Variants in RAB3A observed in about 807,000 individuals in gnomAD.
RAB3A encodes RAB3A, member RAS oncogene family, also known as ras-related protein Rab-3A.
A neutral mutation model predicts 19.7 loss-of-function variants in RAB3A; 5 were observed. The ratio of observed to expected loss-of-function variants is 0.25; its 90% CI spans 0.13 to 0.53. RAB3A has a LOEUF of 0.53. Among genes scored for constraint, RAB3A ranks in the 20% least tolerant of loss-of-function variants. The pLI is 0.95. For missense variants in RAB3A, 189 were observed against 305.6 expected (o/e 0.62, Z 2.85); for synonymous variants, 119 against 122.1 (o/e 0.97, Z 0.17).
In RAB3A at chr19:18,202,895, C is replaced by G. The variant is rs1967633488; in HGVS notation, c.1-155G>C. On this transcript the variant is annotated intron_variant, in intron 1 of 4. Coordinates refer to ENST00000222256, the MANE Select transcript of RAB3A (RefSeq NM_002866.5). This position sits in a 1 kb window ranked among gnomAD's most constrained non-coding sequence, Gnocchi z 4.2. Reference sequence around the variant, plus strand: ...AGCCCCAGTATTAATTGGTGGTGCCCCCAGCAGAGGGCAGCCTGTGACCTT... The same window carrying G: ...AGCCCCAGTATTAATTGGTGGTGCCGCCAGCAGAGGGCAGCCTGTGACCTT... 1.6e-6 allele frequency: 1 copy of G among 616,772 alleles called. No homozygotes were observed. Among genetic ancestry groups the G allele is most frequent in the African/African-American group, 1.8e-5 (1 of 54,138 alleles). 38.2% of individuals were successfully genotyped at this position (616,772 alleles called of 1,614,324 possible).
In RAB3A at chr19:18,197,442, G is replaced by T; in HGVS notation, c.*28C>A. ...GTTGGGGGAAGGTGGGGAAGACAGGGAAGAGGGGAAAGGGAGTGGGATGGC... is the reference window on the plus strand; with the variant it reads ...GTTGGGGGAAGGTGGGGAAGACAGGTAAGAGGGGAAAGGGAGTGGGATGGC... On this transcript the variant is annotated 3_prime_UTR_variant, in exon 5 of 5. Transcript: ENST00000222256. 6.3e-7 allele frequency: 1 copy of T among 1,593,218 alleles called. No homozygotes were observed. Among genetic ancestry groups the T allele is most frequent in the Non-Finnish European group, 8.6e-7 (1 of 1,167,574 alleles).
In RAB3A at chr19:18,202,829, G is replaced by C; in HGVS notation, c.1-89C>G. The C allele has an allele frequency of 2.9e-6, 3 of 1,030,900 alleles. No individual in the cohort carries two copies. Among genetic ancestry groups the C allele is most frequent in the Non-Finnish European group, 1.5e-6 (1 of 672,742 alleles). 63.9% of individuals were successfully genotyped at this position (1,030,900 alleles called of 1,614,324 possible). On this transcript the variant is annotated intron_variant, in intron 1 of 4. Coordinates refer to ENST00000222256, the MANE Select transcript of RAB3A (RefSeq NM_002866.5). This position sits in a 1 kb window ranked among gnomAD's most constrained non-coding sequence, Gnocchi z 4.2. Reference sequence around the variant, plus strand: ...CAGGCAGAAGATGGCAAGGGCTCCAGAAAACGGCCGGTGTATGGAGGACAC... The same window carrying C: ...CAGGCAGAAGATGGCAAGGGCTCCACAAAACGGCCGGTGTATGGAGGACAC...
Position 18,200,347 on chromosome 19 carries a change from G to A in RAB3A, c.327C>T (p.Ser109=). 1 of 1,613,006 alleles carries A rather than the reference G, an allele frequency of 6.2e-7. No homozygotes were observed. Among genetic ancestry groups the A allele is most frequent in the Non-Finnish European group, 8.5e-7 (1 of 1,179,222 alleles). Residue 109 remains serine (S), a synonymous_variant, in exon 3 of 5, where the codon TCC becomes TCT. Transcript: ENST00000222256. ...ILMYDITNEE[S]FNAVQDWSTQ... ...CTCACCAGTCCTGCACTGCATTGAA[G>A]GATTCCTCGTTGGTGATGTCATACA...
chr19:18,197,552 G>A lies in RAB3A; in HGVS notation c.581C>T (p.Ala194Val), dbSNP rs761899290. Residue 194 changes from alanine (A) to valine (V), a missense_variant, in exon 5 of 5, where the codon GCG (alanine) becomes GTG (valine). Transcript: ENST00000222256. ...CEKMSESLDT[A>V]DPAVTGAKQG... Reference sequence around the variant, plus strand: ...CTTGGCGCCTGTGACCGCAGGGTCCGCCGTGTCCAACGACTCGGACATCTT... The same window carrying A: ...CTTGGCGCCTGTGACCGCAGGGTCCACCGTGTCCAACGACTCGGACATCTT... The A allele has an allele frequency of 2.5e-5, 40 of 1,613,650 alleles. No homozygotes were observed. The highest frequency in any genetic ancestry group is 4.0e-5 in the African/African-American group (3 of 74,890).
Position 18,197,320 on chromosome 19 carries a change from T to TA in RAB3A, c.*149dup. On this transcript the variant is annotated 3_prime_UTR_variant, in exon 5 of 5. Coordinates refer to ENST00000222256, the MANE Select transcript of RAB3A (RefSeq NM_002866.5). ...GCCCCTGGGGGACATCTTCAATAAA[T>TA]AAATAAATAGCTACAATAATAAATA... The TA allele has an allele frequency of 1.3e-6, 1 of 747,744 alleles. No homozygotes were observed. The highest frequency in any genetic ancestry group is 2.1e-6 in the Non-Finnish European group (1 of 480,686). 46.3% of individuals were successfully genotyped at this position (747,744 alleles called of 1,614,324 possible). A position where few individuals can be genotyped will look rare whatever the true frequency, so the allele number is the denominator to read the frequency against.
chr19:18,197,252 A>G lies in RAB3A; in HGVS notation c.*218T>C, dbSNP rs1323598342. The G allele has an allele frequency of 9.6e-6, 5 of 519,894 alleles. No individual in the cohort carries two copies. The highest frequency in any genetic ancestry group is 1.7e-5 in the Non-Finnish European group (5 of 300,188). The allele number at this position is 519,894 out of a possible 1,614,324, so 32.2% of individuals were successfully genotyped here. ...CACAGCTGAGTGGGGAAAGGGCTAT[A>G]TGTACAGGAGGGGCAGGGCTTGGGG... On this transcript the variant is annotated 3_prime_UTR_variant, in exon 5 of 5. Transcript: ENST00000222256.
chr19:18,199,400 C>A (rs1967577723), intron 3 of RAB3A, among the ~76,000 whole-genome samples: 1 of 152,064 alleles, frequency 6.6e-6, no homozygotes, highest in South Asian at 2.1e-4. Flanking sequence ...CAAGATCTAC[C>A]CACCTCGGCC....
At position 18,198,712 on chromosome 19, in the gene RAB3A, G is replaced by T. The variant is rs1967568279; in HGVS notation, c.472+13C>A. ...TCTAGACTTGTGGGTCTCCAGCCCAGCTGGGCACTCACCAAGGTGGTCAGC... is the reference window on the plus strand; with the variant it reads ...TCTAGACTTGTGGGTCTCCAGCCCATCTGGGCACTCACCAAGGTGGTCAGC... On this transcript the variant is annotated intron_variant, in intron 4 of 4. Coordinates refer to ENST00000222256, the MANE Select transcript of RAB3A (RefSeq NM_002866.5). The T allele has an allele frequency of 1.2e-6, 2 of 1,613,750 alleles. No individual in the cohort carries two copies. Among genetic ancestry groups the T allele is most frequent in the African/African-American group, 2.7e-5 (2 of 74,930 alleles).
chr19:18,197,300 TG>T lies in RAB3A; in HGVS notation c.*169del, dbSNP rs1967542696. On this transcript the variant is annotated 3_prime_UTR_variant, in exon 5 of 5. Coordinates refer to ENST00000222256, the MANE Select transcript of RAB3A (RefSeq NM_002866.5). ...GGGCGGGCAGGGGAGCCTGGGCCCC[TG>T]GGGGACATCTTCAATAAATAAATAA... 1.5e-6 allele frequency: 1 copy of T among 657,974 alleles called. No individual in the cohort carries two copies. Among genetic ancestry groups the T allele is most frequent in the Non-Finnish European group, 2.5e-6 (1 of 402,604 alleles). The allele number at this position is 657,974 out of a possible 1,614,324, so 40.8% of individuals were successfully genotyped here.
chr19:18,201,432 A>C (rs1445108334), intron 2 of RAB3A, among the ~76,000 whole-genome samples: 1 of 150,118 alleles, frequency 6.7e-6, no homozygotes, highest in Non-Finnish European at 1.5e-5. Context: ...AAATACAAAA[A>C]AAAATTAGCT....
chr19:18,203,045 G>C (rs1024068864), intron 1 of RAB3A, among the ~76,000 whole-genome samples: 13 of 152,314 alleles, frequency 8.5e-5, no homozygotes, highest in African/African-American at 2.6e-4. Flanking sequence ...GAGCCCGGAG[G>C]GGGTGACTGC....
intron 3 of RAB3A, among the ~76,000 whole-genome samples, chr19:18,200,023 G>A (rs776544728): frequency 6.6e-6 from 1 of 151,976 alleles, no homozygotes; most frequent in Admixed American, 6.6e-5. Flanking sequence ...GCTCACGCCT[G>A]TAATCCCAGC....
chr19:18,199,599 C>T (rs1967581103), intron 3 of RAB3A, among the ~76,000 whole-genome samples: 1 of 151,934 alleles, frequency 6.6e-6, no homozygotes, highest in Admixed American at 6.6e-5. Context: ...TCTTGGCTCA[C>T]TGCAACCTCC....
At chr19:18,199,458 A>T (rs1344130455) in intron 3 of RAB3A, among the ~76,000 whole-genome samples, 3 of 150,594 alleles carry the variant, frequency 2.0e-5, no homozygotes, top group African/African-American at 7.3e-5. Context: ...CCCAACCCAG[A>T]AATTTTTTTT....
Position 18,200,233 on chromosome 19 carries a change from T to G in RAB3A, c.347+94A>C, listed in dbSNP as rs1285371335. The G allele has an allele frequency of 3.9e-6, 4 of 1,035,824 alleles. No individual in the cohort carries two copies. In the African/African-American group the frequency reaches 6.4e-5, roughly 17 times the overall value. 64.2% of individuals were successfully genotyped at this position (1,035,824 alleles called of 1,614,324 possible). ...AGGAGGTCGAGGCTGCAGTGAGCCC[T>G]GATCGTGCCACTGCACTCCAGCCTG... On this transcript the variant is annotated intron_variant, in intron 3 of 4. Coordinates refer to ENST00000222256, the MANE Select transcript of RAB3A (RefSeq NM_002866.5).
In RAB3A at chr19:18,197,392, G is replaced by T; in HGVS notation, c.*78C>A. 7.1e-7 allele frequency: 1 copy of T among 1,406,214 alleles called. No homozygotes were observed. The highest frequency in any genetic ancestry group is 1.3e-5 in the South Asian group (1 of 79,962). 87.1% of individuals were successfully genotyped at this position (1,406,214 alleles called of 1,614,324 possible). On this transcript the variant is annotated 3_prime_UTR_variant, in exon 5 of 5. Transcript: ENST00000222256. ...AGCAGGGGTCTTGTGCCCGTGGCTGGTAGGGGCCGGGTCAGGCCCGGGTAG... is the reference window on the plus strand; with the variant it reads ...AGCAGGGGTCTTGTGCCCGTGGCTGTTAGGGGCCGGGTCAGGCCCGGGTAG...
In RAB3A at chr19:18,198,831, G is replaced by A. The variant is rs766777997; in HGVS notation, c.366C>T (p.Thr122=). Reference sequence around the variant, plus strand: ...GCACCTGGGCATTGTCCCATGAGTAGGTCTTGATCTGGGTGGACCTATAGG... The same window carrying A: ...GCACCTGGGCATTGTCCCATGAGTAAGTCTTGATCTGGGTGGACCTATAGG... ...AVQDWSTQIK[T]YSWDNAQVLL... The change falls in exon 4 of 5, where the codon ACC becomes ACT. Residue 122 remains threonine (T), a synonymous_variant. Coordinates refer to ENST00000222256, the MANE Select transcript of RAB3A (RefSeq NM_002866.5). 6.2e-7 allele frequency: 1 copy of A among 1,614,110 alleles called. No individual in the cohort carries two copies. The highest frequency in any genetic ancestry group is 1.1e-5 in the South Asian group (1 of 91,088).
intron 1 of RAB3A, among the ~76,000 whole-genome samples, chr19:18,203,279 CA>C (rs1443831355): frequency 6.6e-6 from 1 of 152,248 alleles, no homozygotes; most frequent in Non-Finnish European, 1.5e-5. Context: ...TCCGTACATA[CA>C]GGAGTGTGTG....
At position 18,202,622 on chromosome 19, in the gene RAB3A, A is replaced by C; in HGVS notation, c.119T>G (p.Phe40Cys). ...CGTGAACGAGTCGTCAGCATAGCGG[A>C]AGAGGAAGGACGTCTTGCCCACGCT... The part of the protein sequence containing the change: ...NSSVGKTSFL[F>C]RYADDSFTPA... Residue 40 changes from phenylalanine (F) to cysteine (C), a missense_variant, in exon 2 of 5, where the codon TTC becomes TGC. Physicochemically the swap from Phe to Cys is radical, Grantham distance 205 (BLOSUM62 -2). Coordinates refer to ENST00000222256, the MANE Select transcript of RAB3A (RefSeq NM_002866.5). The surrounding 1 kb of genome is among the most constrained non-coding windows in gnomAD (Gnocchi z 4.2). The C allele has an allele frequency of 6.2e-7, 1 of 1,614,144 alleles. No homozygotes were observed. The highest frequency in any genetic ancestry group is 1.1e-5 in the South Asian group (1 of 91,080).
Sources: gnomAD v4.1 joint callset for allele counts (sites outside exome capture counted in the v4.1 genomes callset) on GRCh38, gnomAD v4.1.1 for gene constraint, Gnocchi (gnomAD v3.1) non-coding constraint, MANE v1.5 for transcripts, NCBI Gene and HGNC (gene_info 2026-07-23, HGNC 2026-07-21) for gene names.